The following GREB1L variants were observed in gnomAD, a reference collection of about 807,000 sequenced individuals.
GREB1L encodes GREB1 like retinoic acid receptor coactivator.
GREB1L carries 17 observed loss-of-function variants against 200.8 expected under a neutral mutation model. The ratio of observed to expected loss-of-function variants is 0.08; its 90% CI spans 0.06 to 0.13. The LOEUF is 0.13. GREB1L is among the 10% of genes least tolerant of loss of function. The pLI is 1.00. For synonymous variants in GREB1L, 789 were observed against 893.0 expected, an observed-to-expected ratio of 0.88 and a Z score of 2.08; for missense variants, 1,657 against 2,367.7, an observed-to-expected ratio of 0.70 and a Z score of 6.23.
At chr18:21,415,578 G>T (rs1219296881) in intron 7 of GREB1L, among the ~76,000 whole-genome samples, 2 of 151,832 alleles carry the variant, frequency 1.3e-5, no homozygotes, top group African/African-American at 2.4e-5. Context: ...GAAGGAGAAG[G>T]AAAAGAAAAG....
At chr18:21,484,621 A>C (rs965640777) in intron 17 of GREB1L, among the ~76,000 whole-genome samples, 1 of 152,188 alleles carries the variant, frequency 6.6e-6, no homozygotes, top group African/African-American at 2.4e-5. Flanking sequence ...ATTTGAGACC[A>C]GCCTGGCCAA....
intron 1 of GREB1L, among the ~76,000 whole-genome samples, chr18:21,329,356 A>T (rs540725787): frequency 6.7e-6 from 1 of 149,860 alleles, no homozygotes; most frequent in Admixed American, 6.7e-5. Flanking sequence ...ATTGTAATGG[A>T]CCATATTACA....
intron 4 of GREB1L, among the ~76,000 whole-genome samples, chr18:21,389,351 T>TTTTTTTTTC (rs10686798): frequency 6.9e-6 from 1 of 145,558 alleles, no homozygotes; most frequent in Non-Finnish European, 1.5e-5. Flanking sequence ...TTTTTTTTTT[T>TTTTTTTTTC]CATCAAATAG....
intron 19 of GREB1L, among the ~76,000 whole-genome samples, chr18:21,490,958 A>G (rs2036310320): frequency 6.6e-6 from 1 of 152,122 alleles, no homozygotes; most frequent in Admixed American, 6.5e-5. Flanking sequence ...AATTTAGTGC[A>G]TGACTGAGTC....
intron 28 of GREB1L, 25 bp downstream of exon 28, chr18:21,514,011 T>A (rs1169071783): frequency 6.5e-7 from 1 of 1,547,040 alleles, no homozygotes; most frequent in Non-Finnish European, 8.7e-7. Context: ...TGGGGGCGTA[T>A]GACACAATGC....
At chr18:21,488,520 G>C (rs917137982) in intron 18 of GREB1L, among the ~76,000 whole-genome samples, 4 of 152,162 alleles carry the variant, frequency 2.6e-5, no homozygotes, top group Non-Finnish European at 5.9e-5. Flanking sequence ...CTACCCAGCT[G>C]CTGGTGGCTG....
intron 21 of GREB1L, among the ~76,000 whole-genome samples, chr18:21,499,523 C>T (rs2036686801): frequency 6.6e-6 from 1 of 152,186 alleles, no homozygotes; most frequent in Non-Finnish European, 1.5e-5. Flanking sequence ...CTGCTGGTGG[C>T]TGCCATTGGC....
rs1413230994 is a variant in GREB1L at position 21,522,708 on chromosome 18, A to G, written c.5659A>G (p.Ile1887Val). 1.9e-6 allele frequency: 3 copies of G among 1,551,444 alleles called. No individual in the cohort carries two copies. Among genetic ancestry groups the G allele is most frequent in the African/African-American group, 1.4e-5 (1 of 73,012 alleles). ...CQDRSSLRQT[I>V]VRLELEDEWQ... ...AGACAGAAGTTCCTTGCGCCAAACAATTGTCCGCTTAGAGCTAGAAGATGA... is the reference window on the plus strand; with the variant it reads ...AGACAGAAGTTCCTTGCGCCAAACAGTTGTCCGCTTAGAGCTAGAAGATGA... Residue 1887 changes from isoleucine (I) to valine (V), a missense_variant, in exon 33 of 33, where the codon ATT becomes GTT. By Grantham distance (29) the Ile-to-Val change is conservative (BLOSUM62 3). This residue lies in a region of GREB1L where 190 missense variants were observed against 230.2 expected (regional missense o/e 0.83). Coordinates refer to ENST00000424526, the MANE Select transcript of GREB1L (RefSeq NM_001142966.3).
chr18:21,473,963 C>T (rs2035585837), intron 16 of GREB1L, among the ~76,000 whole-genome samples: 1 of 152,168 alleles, frequency 6.6e-6, no homozygotes, highest in Admixed American at 6.5e-5. Flanking sequence ...GTGAGACTTA[C>T]TGTCACAAGA....
chr18:21,291,162 C>A (rs560767118), intron 1 of GREB1L, among the ~76,000 whole-genome samples: 1 of 152,152 alleles, frequency 6.6e-6, no homozygotes, highest in African/African-American at 2.4e-5. Flanking sequence ...CCCACTCCCC[C>A]CAGGCAGTAC....
intron 7 of GREB1L, among the ~76,000 whole-genome samples, chr18:21,419,533 A>G (rs535502787): frequency 2.0e-5 from 3 of 152,150 alleles, no homozygotes; most frequent in Admixed American, 6.5e-5. Flanking sequence ...GCTCACTGCA[A>G]CCTCCACCTC....
intron 1 of GREB1L, among the ~76,000 whole-genome samples, chr18:21,303,429 ATGTT>A (rs1035747100): frequency 1.4e-4 from 21 of 152,364 alleles, no homozygotes; most frequent in Admixed American, 1.4e-3. Context: ...TTGGAAATAA[ATGTT>A]TGGGAGAACT....
chr18:21,443,279 T>C (rs1167303223), intron 10 of GREB1L, among the ~76,000 whole-genome samples: 1 of 152,102 alleles, frequency 6.6e-6, no homozygotes, highest in Non-Finnish European at 1.5e-5. Flanking sequence ...CTCGGCTCAC[T>C]GCAACCTCTG....
Position 21,373,113 on chromosome 18 carries a change from G to T in GREB1L, c.-10+6977G>T, listed in dbSNP as rs1388956272. On this transcript the variant is annotated intron_variant, in intron 2 of 32. Coordinates refer to ENST00000424526, the MANE Select transcript of GREB1L (RefSeq NM_001142966.3). ...CAGGAATGCTTCCTAGGTGGTGAGT[G>T]TGCTTCATATCGTCTCCACTGAGAA... Among the ~76,000 whole-genome samples, 13 of 152,124 alleles carry T rather than the reference G, an allele frequency of 8.5e-5. 1 individual carries two copies. Among genetic ancestry groups the T allele is most frequent in the Admixed American group, 8.5e-4 (13 of 15,270 alleles).
intron 1 of GREB1L, among the ~76,000 whole-genome samples, chr18:21,344,198 G>A (rs1050051345): frequency 2.6e-5 from 4 of 152,136 alleles, no homozygotes; most frequent in African/African-American, 7.2e-5. Flanking sequence ...TCAGGATATC[G>A]AGACCATCCT....
chr18:21,502,904 T>G (rs1469452520), intron 23 of GREB1L, among the ~76,000 whole-genome samples: 1 of 152,072 alleles, frequency 6.6e-6, no homozygotes, highest in Non-Finnish European at 1.5e-5. Flanking sequence ...GCTGTGAGAG[T>G]CTGCTACAGC....
In GREB1L at chr18:21,454,562, A is replaced by G. The variant is rs778788292; in HGVS notation, c.2181A>G (p.Ser727=). The G allele has an allele frequency of 1.2e-5, 19 of 1,550,158 alleles. No homozygotes were observed. The highest frequency in any genetic ancestry group is 1.6e-5 in the Non-Finnish European group (18 of 1,145,664). ...AAACTCTTCAGCGGATTCGACAATC[A>G]GGTAAGAGTGAACTTTCAAAGAGGA... ...VQQTLQRIRQ[S]GVLVDLGLEE... Residue 727 remains serine, a splice_region_variant and synonymous_variant, in exon 15 of 33, where the codon TCA becomes TCG. Transcript: ENST00000424526.
intron 5 of GREB1L, among the ~76,000 whole-genome samples, chr18:21,400,925 C>T (rs2144516193): frequency 6.6e-6 from 1 of 152,214 alleles, no homozygotes; most frequent in Non-Finnish European, 1.5e-5. Context: ...AGAGATTAAC[C>T]TTTCCTTTCC....
intron 1 of GREB1L, among the ~76,000 whole-genome samples, chr18:21,348,490 T>C (rs2039385839): frequency 6.6e-6 from 1 of 151,832 alleles, no homozygotes; most frequent in Admixed American, 6.6e-5. Flanking sequence ...AATTTAAAAA[T>C]TAGGCCAGGC....
Sources: gnomAD v4.1 joint callset for allele counts (sites outside exome capture counted in the v4.1 genomes callset) on GRCh38, gnomAD v4.1.1 for gene constraint, gnomAD v4.1.1 regional missense constraint, MANE v1.5 for transcripts, NCBI Gene and HGNC (gene_info 2026-07-23, HGNC 2026-07-21) for gene names.